The following GLRX3 variants were observed in gnomAD, a reference collection of about 807,000 sequenced individuals.
The protein encoded by GLRX3 is glutaredoxin 3.
Under a neutral mutation model 49.5 loss-of-function variants are expected in GLRX3, and 22 were observed. The observed-to-expected ratio is 0.44, with a 90% CI of 0.32 to 0.63. The LOEUF is 0.63. Among genes scored for constraint, GLRX3 ranks in the 30% least tolerant of loss-of-function variants. GLRX3 has a pLI of 0.05. For missense variants in GLRX3, 385 were observed against 396.3 expected, an observed-to-expected ratio of 0.97 and a Z score of 0.24; for synonymous variants, 133 against 140.0, an observed-to-expected ratio of 0.95 and a Z score of 0.35.
chr10:130,156,203 G>C (rs747646189), intron 2 of GLRX3, among the ~76,000 whole-genome samples: 7 of 152,204 alleles, frequency 4.6e-5, no homozygotes, highest in African/African-American at 9.7e-5. Context: ...TCAGTGTCTG[G>C]CAAGGGCTTG....
intron 8 of GLRX3, 126 bp from the exon 9 acceptor site, chr10:130,174,741 G>T: frequency 1.5e-6 from 1 of 681,440 alleles, no homozygotes; most frequent in Non-Finnish European, 2.6e-6. Context: ...CATTTCCATT[G>T]GTCTGTAGTA....
At chr10:130,142,720 C>T (rs1052355776) in intron 1 of GLRX3, among the ~76,000 whole-genome samples, 2 of 152,160 alleles carry the variant, frequency 1.3e-5, no homozygotes, top group Non-Finnish European at 2.9e-5. Flanking sequence ...GTTGCCCTTT[C>T]CTGTTGCATT....
At chr10:130,168,478 T>C (rs1862736608) in intron 6 of GLRX3, among the ~76,000 whole-genome samples, 1 of 152,232 alleles carries the variant, frequency 6.6e-6, no homozygotes, top group Admixed American at 6.5e-5. Flanking sequence ...GGACTCTGGC[T>C]CTGTAGCCCA....
chr10:130,136,582 G>T, intron 1 of GLRX3, 70 bp downstream of exon 1: 1 of 1,239,808 alleles, frequency 8.1e-7, no homozygotes. Context: ...GGCCGGTGTG[G>T]GGCGGCGGGT....
Position 130,169,500 on chromosome 10 carries a change from T to A in GLRX3, c.771+10T>A, listed in dbSNP as rs771914389. 6.4e-7 allele frequency: 1 copy of A among 1,564,922 alleles called. No individual in the cohort carries two copies. Among genetic ancestry groups the A allele is most frequent in the Non-Finnish European group, 8.8e-7 (1 of 1,135,368 alleles). ...GAAAGGAAACAAACAGGTAAAGAAC[T>A]CAAAAATGGTTTTATTTGTAATTTC... On this transcript the variant is annotated intron_variant, in intron 7 of 10. Transcript: ENST00000331244.
intron 1 of GLRX3, among the ~76,000 whole-genome samples, chr10:130,142,468 C>A (rs1314954862): frequency 1.3e-5 from 2 of 152,212 alleles, no homozygotes; most frequent in Non-Finnish European, 1.5e-5. Flanking sequence ...TCTTCTGAGT[C>A]CTTGCATCCT....
At chr10:130,171,763 C>T (rs1862814301) in intron 8 of GLRX3, 127 bp downstream of exon 8, 2 of 669,964 alleles carry the variant, frequency 3.0e-6, no homozygotes, top group Non-Finnish European at 2.7e-6. Context: ...CCCAGGTGTT[C>T]GAGACCAGCC....
At chr10:130,159,768 T>C in intron 2 of GLRX3, 1 of 1,271,240 alleles carries the variant, frequency 7.9e-7, no homozygotes, top group Non-Finnish European at 1.0e-6. Context: ...TTTTGAAATG[T>C]GCAACAAAAT....
chr10:130,157,742 T>C (rs189282768), intron 2 of GLRX3, among the ~76,000 whole-genome samples: 10 of 152,118 alleles, frequency 6.6e-5, no homozygotes, highest in Non-Finnish European at 2.9e-5. Context: ...CCTTTCAAAA[T>C]TGTCTGTAGG....
chr10:130,170,860 G>A (rs1862792468), intron 7 of GLRX3, among the ~76,000 whole-genome samples: 1 of 152,158 alleles, frequency 6.6e-6, no homozygotes, highest in Admixed American at 6.5e-5. Flanking sequence ...GAGGCTGGAT[G>A]CGGTAGCTCA....
chr10:130,163,902 T>G (rs1371496394), intron 4 of GLRX3, among the ~76,000 whole-genome samples: 1 of 152,236 alleles, frequency 6.6e-6, no homozygotes, highest in Non-Finnish European at 1.5e-5. Context: ...CCAAATTAGC[T>G]TTGAAAGTGC....
chr10:130,160,754 A>G (rs775773233), intron 3 of GLRX3, 42 bp from the exon 4 acceptor site: 5 of 1,070,696 alleles, frequency 4.7e-6, no homozygotes, highest in Non-Finnish European at 7.3e-6. Flanking sequence ...TGTCATTATT[A>G]TGGAATGCTG....
chr10:130,140,103 A>G (rs1862146308), intron 1 of GLRX3, among the ~76,000 whole-genome samples: 1 of 152,230 alleles, frequency 6.6e-6, no homozygotes, highest in Admixed American at 6.5e-5. Context: ...GGTTTGTACA[A>G]TGGGGTTATT....
At chr10:130,172,975 A>G (rs1273670509) in intron 8 of GLRX3, among the ~76,000 whole-genome samples, 2 of 152,190 alleles carry the variant, frequency 1.3e-5, no homozygotes, top group Admixed American at 6.5e-5. Context: ...TTAGATTACT[A>G]TGACATTTTA....
At chr10:130,157,496 C>T (rs867279561) in intron 2 of GLRX3, among the ~76,000 whole-genome samples, 1 of 4,350 alleles carries the variant, frequency 2.3e-4, no homozygotes, top group Admixed American at 8.9e-4. Context: ...GGCCGCCGCC[C>T]CCCCCCCCCC....
chr10:130,166,280 A>G (rs1393140387), intron 4 of GLRX3, among the ~76,000 whole-genome samples: 6 of 152,052 alleles, frequency 3.9e-5, no homozygotes, highest in Non-Finnish European at 8.8e-5. Flanking sequence ...AGTTGTGTCA[A>G]AAAGTTAAGT....
chr10:130,143,271 C>G (rs1862208934), intron 1 of GLRX3, among the ~76,000 whole-genome samples: 1 of 152,152 alleles, frequency 6.6e-6, no homozygotes, highest in South Asian at 2.1e-4. Flanking sequence ...ATTATTTGAT[C>G]AGTTTTTACA....
At chr10:130,152,019 T>C (rs945904337) in intron 2 of GLRX3, among the ~76,000 whole-genome samples, 15 of 152,120 alleles carry the variant, frequency 9.9e-5, no homozygotes, top group Non-Finnish European at 1.9e-4. Flanking sequence ...TTTTGTTGTG[T>C]GTGAATTTTT....
At chr10:130,155,680 G>T (rs565055003) in intron 2 of GLRX3, among the ~76,000 whole-genome samples, 1 of 152,304 alleles carries the variant, frequency 6.6e-6, no homozygotes, top group South Asian at 2.1e-4. Flanking sequence ...GTATAGTCTG[G>T]AGGTGAGGGG....
Sources: gnomAD v4.1 joint callset for allele counts (sites outside exome capture counted in the v4.1 genomes callset) on GRCh38, gnomAD v4.1.1 for gene constraint, MANE v1.5 for transcripts, NCBI Gene and HGNC (gene_info 2026-07-23, HGNC 2026-07-21) for gene names.